The following BUD31 variants were observed in gnomAD, a reference collection of about 807,000 sequenced individuals.
BUD31 encodes BUD31 spliceosome associated protein.
In BUD31, 9 loss-of-function variants were observed where a neutral mutation model predicts 17.9. That is an observed-to-expected ratio of 0.50 (90% CI 0.30 to 0.88). BUD31 has a LOEUF of 0.88. BUD31 is among the 40% of genes least tolerant of loss of function. The pLI is 0.06. For missense variants in BUD31, 148 were observed against 184.5 expected (o/e 0.80, Z 1.15); for synonymous variants, 70 against 64.7 (o/e 1.08, Z -0.39).
intron 5 of BUD31, chr7:99,418,848 T>TG (rs1795658352): frequency 6.5e-6 from 1 of 153,574 alleles, no homozygotes; most frequent in South Asian, 2.0e-4. Context: ...AAAAAGAACT[T>TG]GAAAAAGTAA....
At chr7:99,413,716 C>T (rs369910042) in intron 3 of BUD31, among the ~76,000 whole-genome samples, 2 of 152,030 alleles carry the variant, frequency 1.3e-5, no homozygotes, top group Non-Finnish European at 2.9e-5. Flanking sequence ...CTCAGCCTCC[C>T]GAGTAACTGG....
chr7:99,412,964 A>G (rs1301294640), intron 3 of BUD31, among the ~76,000 whole-genome samples: 1 of 151,822 alleles, frequency 6.6e-6, no homozygotes, highest in Non-Finnish European at 1.5e-5. Context: ...GTGTTAGTCC[A>G]TTTTCACGCT....
intron 2 of BUD31, 57 bp from the exon 3 acceptor site, chr7:99,411,007 C>A: frequency 8.5e-7 from 1 of 1,173,348 alleles, no homozygotes; most frequent in Non-Finnish European, 1.2e-6. Context: ...GAAATAATGG[C>A]TGGCAAAGGC....
chr7:99,411,743 CT>C (rs1795194812), intron 3 of BUD31: 1 of 455,358 alleles, frequency 2.2e-6, no homozygotes, highest in Non-Finnish European at 4.4e-6. Context: ...CTTGCTCTGT[CT>C]TCCAGGCTGC....
intron 3 of BUD31, 185 bp downstream of exon 3, chr7:99,411,371 G>A (rs1397921009): frequency 1.8e-6 from 1 of 542,994 alleles, no homozygotes; most frequent in Non-Finnish European, 3.2e-6. Flanking sequence ...TTAATGAAAA[G>A]GTCCTCAGAA....
At chr7:99,412,913 G>C (rs972317240) in intron 3 of BUD31, among the ~76,000 whole-genome samples, 1 of 151,750 alleles carries the variant, frequency 6.6e-6, no homozygotes, top group South Asian at 2.1e-4. Context: ...GAGCCACCGC[G>C]CCCGACCAAC....
intron 5 of BUD31, chr7:99,418,033 T>A: frequency 9.1e-7 from 1 of 1,102,126 alleles, no homozygotes; most frequent in Non-Finnish European, 1.1e-6. Context: ...AGTGATGCCA[T>A]CTTGGCTCAC....
intron 1 of BUD31, 135 bp downstream of exon 1, chr7:99,409,380 T>G (rs1042732870): frequency 3.9e-5 from 6 of 152,350 alleles, no homozygotes; most frequent in African/African-American, 1.4e-4. Context: ...CCCCAATCTC[T>G]CTTACACCTC....
At position 99,411,761 on chromosome 7, in the gene BUD31, G is replaced by C. The variant is rs1302426923; in HGVS notation, c.94+575G>C. ...GCTCTGTCTTCCAGGCTGCAGTGCA[G>C]TGGCGTGATCTCGGCTCACTGCAAC... On this transcript the variant is annotated intron_variant, in intron 3 of 5. Transcript: ENST00000222969. The C allele has an allele frequency of 6.6e-6, 3 of 453,672 alleles. No homozygotes were observed. The East Asian group carries it at 2.1e-4, about 32-fold the overall frequency. 28.1% of individuals were successfully genotyped at this position (453,672 alleles called of 1,614,324 possible).
At chr7:99,413,763 T>C (rs1562830474) in intron 3 of BUD31, among the ~76,000 whole-genome samples, 1 of 152,158 alleles carries the variant, frequency 6.6e-6, no homozygotes, top group Non-Finnish European at 1.5e-5. Context: ...AGATAATTTT[T>C]GTATTTTCAG....
chr7:99,413,757 A>T (rs568605696), intron 3 of BUD31, among the ~76,000 whole-genome samples: 2 of 152,164 alleles, frequency 1.3e-5, no homozygotes, highest in African/African-American at 2.4e-5. Context: ...ATGCCCAGAT[A>T]ATTTTTGTAT....
Position 99,416,145 on chromosome 7 carries a change from A to G in BUD31, c.102A>G (p.Thr34=), listed in dbSNP as rs1795441041. 1.9e-6 allele frequency: 3 copies of G among 1,613,610 alleles called. No individual in the cohort carries two copies. The highest frequency in any genetic ancestry group is 2.5e-6 in the Non-Finnish European group (3 of 1,179,706). ...ELDQKMREAE[T]EPHEGKRKVE... ...CTCTTTGTTTCTCCCCAGCTGAAAC[A>G]GAACCGCATGAGGGAAAGAGGAAAG... The change falls in exon 4 of 6, where the codon ACA becomes ACG. Residue 34 remains threonine, a synonymous_variant. Coordinates refer to ENST00000222969, the MANE Select transcript of BUD31 (RefSeq NM_003910.4).
intron 2 of BUD31, among the ~76,000 whole-genome samples, chr7:99,410,562 A>C (rs1795139637): frequency 1.3e-5 from 2 of 151,022 alleles, no homozygotes; most frequent in African/African-American, 2.4e-5. Context: ...CTTTTTAAAT[A>C]CTCACCCCCA....
Position 99,419,417 on chromosome 7 carries a change from T to C in BUD31, c.411T>C (p.Cys137=). Residue 137 remains cysteine (C), a synonymous_variant, in exon 6 of 6, where the codon TGT becomes TGC. Coordinates refer to ENST00000222969, the MANE Select transcript of BUD31 (RefSeq NM_003910.4). The stretch of plus-strand genomic sequence containing the variant: ...GCCGCATCATCGAGTGCACACACTG[T>C]GGCTGTCGTGGCTGCTCTGGCTGAG... The part of the protein sequence containing the change: ...EVGRIIECTH[C]GCRGCSG The C allele has an allele frequency of 6.2e-7, 1 of 1,613,026 alleles. No individual in the cohort carries two copies. The highest frequency in any genetic ancestry group is 8.5e-7 in the Non-Finnish European group (1 of 1,180,026).
At chr7:99,411,889 T>C (rs1426231467) in intron 3 of BUD31, 2 of 342,360 alleles carry the variant, frequency 5.8e-6, no homozygotes, top group Admixed American at 8.1e-5. Context: ...GTATTTTTAG[T>C]AGAGATGGGT....
chr7:99,417,922 C>G, intron 5 of BUD31: 1 of 1,289,356 alleles, frequency 7.8e-7, no homozygotes, highest in South Asian at 1.5e-5. Context: ...CCAGTGAGTT[C>G]CTGTCCCTTT....
chr7:99,414,445 A>C (rs1277216539), intron 3 of BUD31, among the ~76,000 whole-genome samples: 1 of 152,138 alleles, frequency 6.6e-6, no homozygotes, highest in Admixed American at 6.6e-5. Flanking sequence ...CTTTATTGAG[A>C]TATTAATCAT....
rs1172971503 is a variant in BUD31, at chr7:99,412,644, C to T, written c.94+1458C>T. On this transcript the variant is annotated intron_variant, in intron 3 of 5. Transcript: ENST00000222969. Reference sequence around the variant, plus strand: ...TTTTTTTTTTTGAGACGGAGTCTCGCTCTGTCACCCAGGCTGGAGTGCAGT... The same window carrying T: ...TTTTTTTTTTTGAGACGGAGTCTCGTTCTGTCACCCAGGCTGGAGTGCAGT... Among the ~76,000 whole-genome samples, 5 of 150,656 alleles carry T rather than the reference C, an allele frequency of 3.3e-5. No individual in the cohort carries two copies. In the East Asian group the frequency reaches 9.7e-4, roughly 29 times the overall value.
In BUD31 at chr7:99,417,550, C is replaced by G; in HGVS notation, c.339C>G (p.Phe113Leu). ...GCATTCAGACACGGGACACCAACTTCGGGACGAACTGCATCTGCCGCGTGC... is the reference window on the plus strand; with the variant it reads ...GCATTCAGACACGGGACACCAACTTGGGGACGAACTGCATCTGCCGCGTGC... ...LRCIQTRDTN[F>L]GTNCICRVPK... Residue 113 changes from phenylalanine (F) to leucine (L), a missense_variant, in exon 5 of 6, where the codon TTC becomes TTG. By Grantham distance (22) the Phe-to-Leu change is conservative (BLOSUM62 0). Coordinates refer to ENST00000222969, the MANE Select transcript of BUD31 (RefSeq NM_003910.4). 1 of 1,612,072 alleles carries G rather than the reference C, an allele frequency of 6.2e-7. No homozygotes were observed.
Sources: gnomAD v4.1 joint callset for allele counts (sites outside exome capture counted in the v4.1 genomes callset) on GRCh38, gnomAD v4.1.1 for gene constraint, MANE v1.5 for transcripts, NCBI Gene and HGNC (gene_info 2026-07-23, HGNC 2026-07-21) for gene names.